Variants in RPTOR observed in about 807,000 individuals in gnomAD.
RPTOR encodes regulatory associated protein of MTOR complex 1, also known as regulatory-associated protein of mTOR.
A neutral mutation model predicts 169.9 loss-of-function variants in RPTOR; 21 were observed. The observed-to-expected ratio is 0.12, with a 90% CI of 0.09 to 0.18. RPTOR has a LOEUF of 0.18. Ranked by LOEUF, RPTOR falls within the 10% of genes least tolerant of loss-of-function variation. The pLI, the probability that RPTOR is intolerant of heterozygous loss-of-function variation, is 1.00. For missense variants in RPTOR, 1,133 were observed against 1,855.9 expected (o/e 0.61, Z 7.16); for synonymous variants, 732 against 753.2 (o/e 0.97, Z 0.46).
At chr17:80,800,931 AGTGAGTCTCT>A (rs560966655) in intron 7 of RPTOR, among the ~76,000 whole-genome samples, 17 of 152,342 alleles carry the variant, frequency 1.1e-4, no homozygotes, top group African/African-American at 4.1e-4. Context: ...GTCGTGAATA[AGTGAGTCTCT>A]GTGTGCTGCT....
intron 28 of RPTOR, among the ~76,000 whole-genome samples, chr17:80,953,961 G>C (rs2069215808): frequency 6.6e-6 from 1 of 152,230 alleles, no homozygotes; most frequent in Non-Finnish European, 1.5e-5. Flanking sequence ...CCTGGGTTCA[G>C]GTGTATCACA....
At chr17:80,852,631 A>C (rs992425396) in intron 11 of RPTOR, among the ~76,000 whole-genome samples, 76 of 152,224 alleles carry the variant, frequency 5.0e-4, no homozygotes, top group African/African-American at 1.8e-3. Context: ...CCAAGGCTGG[A>C]CATGCTGGGA....
intron 3 of RPTOR, among the ~76,000 whole-genome samples, chr17:80,670,177 T>G (rs1178117332): frequency 6.6e-6 from 1 of 152,322 alleles, no homozygotes; most frequent in African/African-American, 2.4e-5. Context: ...CACTGTAAGG[T>G]TTGACCTTAA....
At chr17:80,719,229 G>A (rs754646589) in intron 4 of RPTOR, among the ~76,000 whole-genome samples, 9 of 152,150 alleles carry the variant, frequency 5.9e-5, no homozygotes, top group South Asian at 2.1e-4. Context: ...GCAGGTGATG[G>A]GGAGGAGAAT....
intron 3 of RPTOR, among the ~76,000 whole-genome samples, chr17:80,705,079 G>A (rs2066132287): frequency 1.3e-5 from 2 of 152,226 alleles, no homozygotes; most frequent in Non-Finnish European, 2.9e-5. Context: ...GTCACGCTCC[G>A]TGCTTCTCTG....
intron 7 of RPTOR, among the ~76,000 whole-genome samples, chr17:80,819,053 A>T (rs2067352616): frequency 6.6e-6 from 1 of 152,148 alleles, no homozygotes; most frequent in Admixed American, 6.5e-5. Flanking sequence ...CTGGTTTGCA[A>T]ACAGCCTGCG....
intron 6 of RPTOR, among the ~76,000 whole-genome samples, chr17:80,782,728 C>T (rs2066953962): frequency 6.6e-6 from 1 of 152,196 alleles, no homozygotes; most frequent in South Asian, 2.1e-4. Flanking sequence ...GGCATTTTCA[C>T]GTGAGAAACT....
chr17:80,711,206 A>G (rs2066187243), intron 4 of RPTOR, among the ~76,000 whole-genome samples: 1 of 152,096 alleles, frequency 6.6e-6, no homozygotes, highest in South Asian at 2.1e-4. Context: ...TGCTGGGTAT[A>G]TGTGCCTTCT....
At chr17:80,930,348 C>T (rs1031838446) in intron 24 of RPTOR, among the ~76,000 whole-genome samples, 1 of 22,892 alleles carries the variant, frequency 4.4e-5, no homozygotes, top group African/African-American at 1.6e-4. Context: ...TCATCCTCAG[C>T]TCATCCCCAG....
intron 6 of RPTOR, among the ~76,000 whole-genome samples, chr17:80,758,627 T>C (rs915126899): frequency 6.6e-6 from 1 of 152,092 alleles, no homozygotes; most frequent in Non-Finnish European, 1.5e-5. Context: ...AGGCTGGAGC[T>C]TCTGTAGACG....
intron 5 of RPTOR, among the ~76,000 whole-genome samples, chr17:80,753,557 C>T (rs1479837427): frequency 4.3e-5 from 6 of 138,628 alleles, no homozygotes; most frequent in South Asian, 2.3e-4. Context: ...GGCGTGAACC[C>T]GGGAGGCGGA....
At position 80,963,069 on chromosome 17, in the gene RPTOR, G is replaced by A. The variant is rs369018263; in HGVS notation, c.3939+12G>A. 7.1e-5 allele frequency: 109 copies of A among 1,535,084 alleles called. No individual in the cohort carries two copies. The African/African-American group carries it at 1.2e-3, about 16-fold the overall frequency. On this transcript the variant is annotated intron_variant, in intron 33 of 33. Transcript: ENST00000306801. ...TCCACCCGCACTGGGTCAGTGTGGC[G>A]GTGGGTGGGGGTCGGGGGTCGGGGG...
intron 9 of RPTOR, among the ~76,000 whole-genome samples, chr17:80,836,982 G>T (rs573066126): frequency 2.0e-5 from 3 of 152,192 alleles, no homozygotes; most frequent in African/African-American, 7.2e-5. Flanking sequence ...GGCATTGGGC[G>T]CCCTGAGCAA....
intron 11 of RPTOR, among the ~76,000 whole-genome samples, chr17:80,850,618 T>C (rs910610927): frequency 6.6e-6 from 1 of 152,258 alleles, no homozygotes; most frequent in Middle Eastern, 3.2e-3. Context: ...TTTTCCTAGA[T>C]GTCACAGATC....
intron 13 of RPTOR, among the ~76,000 whole-genome samples, chr17:80,867,734 G>A (rs969697157): frequency 2.6e-5 from 4 of 152,000 alleles, no homozygotes; most frequent in East Asian, 1.9e-4. Context: ...TCAACAATTC[G>A]AAGTTGAAAT....
intron 9 of RPTOR, among the ~76,000 whole-genome samples, chr17:80,830,583 C>T (rs569978529): frequency 3.1e-4 from 47 of 152,304 alleles, no homozygotes; most frequent in African/African-American, 9.6e-4. Context: ...CCATCTTGCA[C>T]GGGCCGCTGC....
Position 80,955,689 on chromosome 17 carries a change from G to A in RPTOR, c.3371-1935G>A, listed in dbSNP as rs189766159. Among the ~76,000 whole-genome samples the A allele has an allele frequency of 4.6e-5, 7 of 152,194 alleles. No individual in the cohort carries two copies. In the South Asian group the frequency reaches 1.0e-3, roughly 23 times the overall value. ...GCAACTGTCTGTCGTGAAAAAAAAC[G>A]GCAAACACCACACATCGATAAGGAT... On this transcript the variant is annotated intron_variant, in intron 28 of 33. Coordinates refer to ENST00000306801, the MANE Select transcript of RPTOR (RefSeq NM_020761.3).
At chr17:80,743,826 GC>G (rs2066518067) in intron 5 of RPTOR, among the ~76,000 whole-genome samples, 1 of 125,440 alleles carries the variant, frequency 8.0e-6, no homozygotes, top group African/African-American at 3.0e-5. Flanking sequence ...CAGAGCCCTG[GC>G]TACTAGCACA....
chr17:80,846,505 A>G lies in RPTOR; in HGVS notation c.1245A>G (p.Ala415=). The G allele has an allele frequency of 3.1e-6, 5 of 1,614,214 alleles. No individual in the cohort carries two copies. Among genetic ancestry groups the G allele is most frequent in the Non-Finnish European group, 2.5e-6 (3 of 1,180,040 alleles). Residue 415 remains alanine (A), a synonymous_variant, in exon 11 of 34, where the codon GCA becomes GCG. Coordinates refer to ENST00000306801, the MANE Select transcript of RPTOR (RefSeq NM_020761.3). ...HSPFFAEQLT[A]FQVWLTMGVE... ...CGTTCTTCGCCGAGCAGCTGACCGCATTCCAGGTGTGGCTCACCATGGGCG... is the reference window on the plus strand; with the variant it reads ...CGTTCTTCGCCGAGCAGCTGACCGCGTTCCAGGTGTGGCTCACCATGGGCG...
Sources: allele counts gnomAD v4.1 joint callset (sites outside exome capture counted in the v4.1 genomes callset), GRCh38; gene constraint gnomAD v4.1.1; transcripts MANE v1.5; gene names NCBI Gene and HGNC (gene_info 2026-07-23, HGNC 2026-07-21).